Variants in ALG14 observed in about 807,000 individuals in gnomAD.
ALG14 encodes the protein ALG14 UDP-N-acetylglucosaminyltransferase subunit, also known as UDP-N-acetylglucosamine transferase subunit ALG14.
ALG14 carries 17 observed loss-of-function variants against 22.8 expected under a neutral mutation model. The observed-to-expected ratio is 0.75, with a 90% CI of 0.51 to 1.12. ALG14 has a LOEUF of 1.12. Among genes scored for constraint, ALG14 ranks in the 50% most tolerant of loss-of-function variants. The pLI is 0.00. For missense variants in ALG14, 288 were observed against 271.8 expected (o/e 1.06, Z -0.42); for synonymous variants, 89 against 103.7 (o/e 0.86, Z 0.86).
chr1:95,067,666 C>T (rs1675420413), intron 1 of ALG14: 1 of 152,154 alleles, frequency 6.6e-6, no homozygotes, highest in African/African-American at 2.4e-5. Context: ...TTTTGCTACT[C>T]CCCTGCTCCA....
Position 94,982,699 on chromosome 1 carries a change from C to CAAAAA in ALG14, c.*372_*376dup, listed in dbSNP as rs368855559. On this transcript the variant is annotated 3_prime_UTR_variant, in exon 4 of 4. Coordinates refer to ENST00000370205, the MANE Select transcript of ALG14 (RefSeq NM_144988.4). ...TTCTTTTACAATGCAGAATACTTTA[C>CAAAAA]AAAAAAAAAAAAAAAAAAAAAAAGC... 73 of 79,410 alleles carry CAAAAA rather than the reference C, an allele frequency of 9.2e-4. 4 individuals carry two copies. The highest frequency in any genetic ancestry group is 1.3e-3 in the African/African-American group (26 of 20,198). 4.9% of individuals were successfully genotyped at this position (79,410 alleles called of 1,614,324 possible).
In ALG14 at chr1:94,976,682, A is replaced by C. The variant is rs1672402221; in HGVS notation, c.*6394T>G. 2.7e-5 allele frequency: 4 copies of C among 150,762 alleles called. No individual in the cohort carries two copies. 9.3% of individuals were successfully genotyped at this position (150,762 alleles called of 1,614,324 possible). Reference sequence around the variant, plus strand: ...ACTCCAGCCTGGGTGACAGAGTGAGACTCCGTCTTAAAGAAAAAAAAAAAA... The same window carrying C: ...ACTCCAGCCTGGGTGACAGAGTGAGCCTCCGTCTTAAAGAAAAAAAAAAAA... On this transcript the variant is annotated 3_prime_UTR_variant, in exon 4 of 4. Transcript: ENST00000370205.
At chr1:95,029,973 T>C (rs1292108536) in intron 2 of ALG14, among the ~76,000 whole-genome samples, 2 of 152,170 alleles carry the variant, frequency 1.3e-5, no homozygotes, top group African/African-American at 2.4e-5. Flanking sequence ...GTTCCCAAAC[T>C]ATAAACCACT....
intron 2 of ALG14, chr1:95,062,311 T>C (rs1233869306): frequency 2.0e-5 from 3 of 152,206 alleles, no homozygotes; most frequent in Non-Finnish European, 4.4e-5. Flanking sequence ...ACTTTTAAGT[T>C]CCAGGGTATG....
At chr1:95,042,629 G>A (rs1248104489) in intron 2 of ALG14, among the ~76,000 whole-genome samples, 1 of 152,150 alleles carries the variant, frequency 6.6e-6, no homozygotes, top group African/African-American at 2.4e-5. Context: ...GGGTACATGA[G>A]GAATCCATTT....
chr1:95,068,079 C>T (rs759274441), intron 1 of ALG14, among the ~76,000 whole-genome samples: 4 of 152,148 alleles, frequency 2.6e-5, no homozygotes, highest in Non-Finnish European at 5.9e-5. Flanking sequence ...TGCTTTTTAT[C>T]TCCCTCTATC....
intron 1 of ALG14, among the ~76,000 whole-genome samples, chr1:95,070,878 G>A (rs1285578052): frequency 6.6e-6 from 1 of 151,986 alleles, no homozygotes; most frequent in Non-Finnish European, 1.5e-5. Flanking sequence ...TGGGACTATA[G>A]GTGCATGCCA....
intron 3 of ALG14, among the ~76,000 whole-genome samples, chr1:94,992,236 T>C (rs1672793371): frequency 6.6e-6 from 1 of 152,286 alleles, no homozygotes; most frequent in East Asian, 1.9e-4. Context: ...TGACTGGCAG[T>C]GCAGTAGGCT....
At chr1:95,068,628 G>A (rs12760863) in intron 1 of ALG14, among the ~76,000 whole-genome samples, 37,273 of 152,018 alleles carry the variant, frequency 0.25, 5,123 homozygotes, top group African/African-American at 0.37. Flanking sequence ...AGTAAATGTC[G>A]CTTGGTCTTC....
chr1:95,072,545 A>G (rs1161439967), intron 1 of ALG14, among the ~76,000 whole-genome samples: 1 of 152,226 alleles, frequency 6.6e-6, no homozygotes, highest in East Asian at 1.9e-4. Flanking sequence ...AATTATAGAC[A>G]AGTGTAAATT....
chr1:95,035,210 CTCTG>C (rs1401615924), intron 2 of ALG14, among the ~76,000 whole-genome samples: 1 of 152,130 alleles, frequency 6.6e-6, no homozygotes, highest in African/African-American at 2.4e-5. Flanking sequence ...TCTCTTTCTT[CTCTG>C]TCTCTTTCTC....
chr1:95,036,495 C>T (rs748686938), intron 2 of ALG14, among the ~76,000 whole-genome samples: 2 of 136,640 alleles, frequency 1.5e-5, no homozygotes, highest in African/African-American at 2.8e-5. Context: ...GGTGCGATCT[C>T]GGCTCACTGC....
chr1:95,010,807 A>G (rs1270373587), intron 3 of ALG14, among the ~76,000 whole-genome samples: 1 of 152,238 alleles, frequency 6.6e-6, no homozygotes, highest in Non-Finnish European at 1.5e-5. Flanking sequence ...TAAATTCTAC[A>G]AAGAAAAGAT....
chr1:95,044,862 T>C (rs570349337), intron 2 of ALG14, among the ~76,000 whole-genome samples: 4 of 151,940 alleles, frequency 2.6e-5, no homozygotes, highest in Admixed American at 2.0e-4. Flanking sequence ...TATTGCTGAA[T>C]AAACAAAGTA....
rs17112836 is a variant in ALG14 at position 94,989,928 on chromosome 1, A to G, written c.421-6622T>C. Reference sequence around the variant, plus strand: ...GAGACAGAGGGGGCCAGATCACATCAGAGCAGTCACAGGATTTCCTCAGAC... The same window carrying G: ...GAGACAGAGGGGGCCAGATCACATCGGAGCAGTCACAGGATTTCCTCAGAC... On this transcript the variant is annotated intron_variant, in intron 3 of 3. Coordinates refer to ENST00000370205, the MANE Select transcript of ALG14 (RefSeq NM_144988.4). Among the ~76,000 whole-genome samples the G allele has an allele frequency of 3.3e-3, 496 of 152,322 alleles. 1 individual carries two copies. The highest frequency in any genetic ancestry group is 0.011 in the African/African-American group (476 of 41,578).
At chr1:95,005,460 T>C (rs902965492) in intron 3 of ALG14, among the ~76,000 whole-genome samples, 14 of 146,928 alleles carry the variant, frequency 9.5e-5, no homozygotes, top group Non-Finnish European at 2.1e-4. Flanking sequence ...GAAGAATCCA[T>C]AGTTGCTGGA....
rs1672474011 is a variant in ALG14, at chr1:94,980,390, A to T, written c.*2686T>A. 1 of 152,184 alleles carries T rather than the reference A, an allele frequency of 6.6e-6. No homozygotes were observed. Among genetic ancestry groups the T allele is most frequent in the Non-Finnish European group, 1.5e-5 (1 of 68,026 alleles). The allele number at this position is 152,184 out of a possible 1,614,324, so 9.4% of individuals were successfully genotyped here. ...TTTAGGATAGCTGGACTGTAGATAG[A>T]AATCTTCCAGGGAAGTAGGTGTGGG... is the stretch of plus-strand genomic sequence containing the variant. On this transcript the variant is annotated 3_prime_UTR_variant, in exon 4 of 4. Transcript: ENST00000370205.
intron 1 of ALG14, 99 bp downstream of exon 1, chr1:95,072,664 C>G (rs933139379): frequency 6.6e-7 from 1 of 1,506,108 alleles, no homozygotes; most frequent in South Asian, 1.2e-5. Context: ...GCATGCAACA[C>G]TCCAAGAAGT....
chr1:95,052,656 G>A (rs962981251), intron 2 of ALG14, among the ~76,000 whole-genome samples: 4 of 151,972 alleles, frequency 2.6e-5, no homozygotes, highest in South Asian at 2.1e-4. Flanking sequence ...TCAGGAGTTC[G>A]AGACCAGCCT....
Sources: allele counts gnomAD v4.1 joint callset (sites outside exome capture counted in the v4.1 genomes callset), GRCh38; gene constraint gnomAD v4.1.1; transcripts MANE v1.5; gene names NCBI Gene and HGNC (gene_info 2026-07-23, HGNC 2026-07-21).